DCBLD2: variants seen among roughly 807,000 people sequenced by gnomAD.
The protein encoded by DCBLD2 is discoidin, CUB and LCCL domain-containing protein 2.
DCBLD2 carries 54 observed loss-of-function variants against 86.8 expected under a neutral mutation model. The ratio of observed to expected loss-of-function variants is 0.62; its 90% confidence interval spans 0.50 to 0.78. DCBLD2 has a LOEUF of 0.78. Among genes scored for constraint, DCBLD2 ranks in the 30% least tolerant of loss-of-function variants. The pLI is 0.00. For synonymous variants in DCBLD2, 354 were observed against 341.3 expected (o/e 1.04, Z -0.41); for missense variants, 908 against 954.2 (o/e 0.95, Z 0.64).
chr3:98,820,725 C>T (rs79590991), intron 6 of DCBLD2: 5,559 of 149,644 alleles, frequency 0.037, 129 homozygotes, highest in Middle Eastern at 0.067. Context: ...CAAGTTTTTT[C>T]GGATAAACAT....
intron 1 of DCBLD2, among the ~76,000 whole-genome samples, chr3:98,898,356 A>G (rs1943785995): frequency 6.6e-6 from 1 of 151,146 alleles, no homozygotes; most frequent in Non-Finnish European, 1.5e-5. Flanking sequence ...TGATGTCAGA[A>G]AGAAAAAAGA....
At chr3:98,875,376 G>T (rs534155628) in intron 2 of DCBLD2, among the ~76,000 whole-genome samples, 1 of 152,068 alleles carries the variant, frequency 6.6e-6, no homozygotes, top group Admixed American at 6.5e-5. Flanking sequence ...CCCTACATGA[G>T]AAAGAGTTTA....
intron 2 of DCBLD2, among the ~76,000 whole-genome samples, chr3:98,866,454 T>C (rs1355290026): frequency 6.6e-6 from 1 of 152,216 alleles, no homozygotes; most frequent in Non-Finnish European, 1.5e-5. Context: ...ATTTCTCTGA[T>C]GGCCAGTGAT....
At chr3:98,881,814 C>T (rs750979553) in intron 1 of DCBLD2, 47 bp from the exon 2 acceptor site, 2 of 1,547,468 alleles carry the variant, frequency 1.3e-6, no homozygotes, top group Non-Finnish European at 1.8e-6. Context: ...ACATATTTTA[C>T]TTCCTCTATA....
rs1373728768 is a variant in DCBLD2 at position 98,808,119 on chromosome 3, G to C, written c.1632C>G (p.Leu544=). 3.1e-6 allele frequency: 5 copies of C among 1,606,996 alleles called. No homozygotes were observed. Among genetic ancestry groups the C allele is most frequent in the Non-Finnish European group, 4.2e-6 (5 of 1,176,856 alleles). ...GCCAAGCACACACTAATATGAGAATGAGAGTAGTGAGGACCATGACCAGCA... is the reference window on the plus strand; with the variant it reads ...GCCAAGCACACACTAATATGAGAATCAGAGTAGTGAGGACCATGACCAGCA... The part of the protein sequence containing the change: ...VPVLVMVLTT[L]ILILVCAWHW... The change falls in exon 13 of 16, where the codon CTC becomes CTG. Residue 544 remains leucine, a synonymous_variant. Coordinates refer to ENST00000326840, the MANE Select transcript of DCBLD2 (RefSeq NM_080927.4).
intron 2 of DCBLD2, among the ~76,000 whole-genome samples, chr3:98,872,834 T>C (rs1462294107): frequency 2.0e-5 from 3 of 152,042 alleles, no homozygotes; most frequent in Non-Finnish European, 4.4e-5. Flanking sequence ...AAATATAATA[T>C]ACATAACTTT....
chr3:98,812,513 CA>C, intron 9 of DCBLD2, 31 bp from the exon 10 acceptor site: 1 of 1,591,884 alleles, frequency 6.3e-7, no homozygotes, highest in Non-Finnish European at 8.6e-7. Flanking sequence ...ATTGGTACTT[CA>C]AATCAATAGA....
intron 13 of DCBLD2, among the ~76,000 whole-genome samples, chr3:98,802,808 C>A (rs1251268299): frequency 6.6e-6 from 1 of 152,186 alleles, no homozygotes; most frequent in Non-Finnish European, 1.5e-5. Context: ...AATAGGGAAT[C>A]CTTTCCCCAG....
intron 1 of DCBLD2, 38 bp from the exon 2 acceptor site, chr3:98,881,805 C>T (rs1943476300): frequency 2.6e-6 from 4 of 1,556,986 alleles, no homozygotes; most frequent in South Asian, 2.4e-5. Flanking sequence ...ATTATTCTCA[C>T]ATATTTTACT....
intron 2 of DCBLD2, among the ~76,000 whole-genome samples, chr3:98,863,686 T>A (rs1225289660): frequency 1.3e-5 from 2 of 152,210 alleles, no homozygotes; most frequent in Non-Finnish European, 2.9e-5. Flanking sequence ...CTGGATCCCT[T>A]CCTTACACCT....
rs1943662946 is a variant in DCBLD2, at chr3:98,891,603, A to C, written c.205+9519T>G. ...CTGTTTTCCACTGATGATACAACGA[A>C]GTTCAAATGCTTCAGCCAGGATACA... On this transcript the variant is annotated intron_variant, in intron 1 of 15. Coordinates refer to ENST00000326840, the MANE Select transcript of DCBLD2 (RefSeq NM_080927.4). Among the ~76,000 whole-genome samples the C allele has an allele frequency of 2.0e-5, 3 of 152,060 alleles. No homozygotes were observed. The East Asian group carries it at 5.8e-4, about 29-fold the overall frequency.
intron 2 of DCBLD2, among the ~76,000 whole-genome samples, chr3:98,853,995 CTTT>C (rs1942887598): frequency 1.4e-5 from 2 of 145,516 alleles, no homozygotes; most frequent in African/African-American, 5.0e-5. Flanking sequence ...TTTTTTTTTT[CTTT>C]TTTTAACTAG....
chr3:98,871,193 T>G (rs2107512567), intron 2 of DCBLD2, among the ~76,000 whole-genome samples: 1 of 152,218 alleles, frequency 6.6e-6, no homozygotes. Flanking sequence ...TGGAGGAGTC[T>G]TTAGAATTTT....
chr3:98,863,488 C>G (rs1372359647), intron 2 of DCBLD2, among the ~76,000 whole-genome samples: 1 of 152,212 alleles, frequency 6.6e-6, no homozygotes, highest in Non-Finnish European at 1.5e-5. Flanking sequence ...GTAACCAAAA[C>G]AGCATGGTAC....
Position 98,822,376 on chromosome 3 carries a change from A to T in DCBLD2, c.697-15T>A, listed in dbSNP as rs776650314. The T allele has an allele frequency of 5.6e-6, 9 of 1,602,898 alleles. No individual in the cohort carries two copies. The highest frequency in any genetic ancestry group is 6.8e-6 in the Non-Finnish European group (8 of 1,176,566). On this transcript the variant is annotated splice_polypyrimidine_tract_variant and intron_variant, in intron 5 of 15. Transcript: ENST00000326840. ...AATGGCGAGGACTTAAGGAAGGGAA[A>T]AGAAAAGATTCATTTTTAATTTTCT...
intron 3 of DCBLD2, among the ~76,000 whole-genome samples, chr3:98,832,424 A>G (rs1246507837): frequency 6.6e-6 from 1 of 152,154 alleles, no homozygotes; most frequent in Non-Finnish European, 1.5e-5. Flanking sequence ...TAGGGCATTT[A>G]GGCTATTTAC....
intron 2 of DCBLD2, among the ~76,000 whole-genome samples, chr3:98,872,497 C>G (rs1429908586): frequency 1.3e-5 from 2 of 152,164 alleles, no homozygotes; most frequent in African/African-American, 2.4e-5. Context: ...ACCAAATAAA[C>G]CTCTTTTCTT....
At chr3:98,809,787 C>A (rs144387115) in intron 12 of DCBLD2, among the ~76,000 whole-genome samples, 1 of 152,278 alleles carries the variant, frequency 6.6e-6, no homozygotes, top group Non-Finnish European at 1.5e-5. Context: ...ATGACATAAT[C>A]TTTTCCATGA....
chr3:98,877,884 G>A (rs371400551), intron 2 of DCBLD2, among the ~76,000 whole-genome samples: 7 of 152,146 alleles, frequency 4.6e-5, no homozygotes, highest in African/African-American at 1.7e-4. Context: ...GCTCCCACTG[G>A]AGATTTGGGA....
Sources: gnomAD v4.1 joint callset for allele counts (sites outside exome capture counted in the v4.1 genomes callset) on GRCh38, gnomAD v4.1.1 for gene constraint, MANE v1.5 for transcripts, NCBI Gene and HGNC (gene_info 2026-07-23, HGNC 2026-07-21) for gene names.